The following COL19A1 variants were observed in gnomAD, a reference collection of about 807,000 sequenced individuals.
COL19A1 encodes collagen type XIX alpha 1 chain.
In COL19A1, 159 loss-of-function variants were observed where a neutral mutation model predicts 190.2. The ratio of observed to expected loss-of-function variants is 0.84; its 90% CI spans 0.73 to 0.95. The LOEUF is 0.95. Ranked by LOEUF, COL19A1 falls within the 40% of genes least tolerant of loss-of-function variation. COL19A1 has a pLI of 0.00. For synonymous variants in COL19A1, 509 were observed against 458.9 expected (o/e 1.11, Z -1.39); for missense variants, 1,418 against 1,431.9 (o/e 0.99, Z 0.16).
chr6:70,027,944 A>G (rs1435051258), intron 12 of COL19A1, among the ~76,000 whole-genome samples: 3 of 152,132 alleles, frequency 2.0e-5, no homozygotes, highest in Admixed American at 1.3e-4. Flanking sequence ...TAAATTACTT[A>G]GCCTCTCTGT....
At chr6:69,889,899 G>A (rs1432340456) in intron 2 of COL19A1, 2 of 152,138 alleles carry the variant, frequency 1.3e-5, no homozygotes, top group African/African-American at 4.8e-5. Flanking sequence ...TGGAAGCTTT[G>A]TTCTTTTACT....
intron 26 of COL19A1, 24 bp downstream of exon 26, chr6:70,146,727 T>A (rs1321729608): frequency 6.2e-7 from 1 of 1,600,582 alleles, no homozygotes; most frequent in Non-Finnish European, 8.5e-7. Context: ...ATAGTTAATT[T>A]TTAAGGAATG....
At chr6:69,912,238 CA>C (rs2149988082) in intron 4 of COL19A1, among the ~76,000 whole-genome samples, 1 of 152,222 alleles carries the variant, frequency 6.6e-6, no homozygotes, top group Non-Finnish European at 1.5e-5. Context: ...GGTCCAATAC[CA>C]CTTTTTCCAT....
intron 9 of COL19A1, among the ~76,000 whole-genome samples, chr6:69,956,303 A>T (rs929560590): frequency 1.3e-5 from 2 of 152,054 alleles, no homozygotes; most frequent in African/African-American, 4.8e-5. Context: ...TAATGTGATT[A>T]AAATATCCCT....
intron 11 of COL19A1, among the ~76,000 whole-genome samples, chr6:69,983,565 A>T (rs1776161878): frequency 6.6e-6 from 1 of 152,158 alleles, no homozygotes; most frequent in Non-Finnish European, 1.5e-5. Context: ...AGGGGAAAGA[A>T]TTCAATATTT....
rs573775600 is a variant in COL19A1 at position 69,934,979 on chromosome 6, T to G, written c.748-1806T>G. On this transcript the variant is annotated intron_variant, in intron 7 of 50. Coordinates refer to ENST00000620364, the MANE Select transcript of COL19A1 (RefSeq NM_001858.6). Reference sequence around the variant, plus strand: ...AAATATCTAATTTTGTCCTGGAATTTCAAATCACACATGTTTTCTGGTTGT... The same window carrying G: ...AAATATCTAATTTTGTCCTGGAATTGCAAATCACACATGTTTTCTGGTTGT... Among the ~76,000 whole-genome samples, 9 of 152,132 alleles carry G rather than the reference T, an allele frequency of 5.9e-5. No homozygotes were observed. The South Asian group carries it at 1.4e-3, about 25-fold the overall frequency.
chr6:70,160,743 A>T (rs1787744294), intron 34 of COL19A1, among the ~76,000 whole-genome samples: 1 of 152,142 alleles, frequency 6.6e-6, no homozygotes, highest in Non-Finnish European at 1.5e-5. Context: ...TCTAACACTA[A>T]AGTTTCTGAT....
intron 4 of COL19A1, among the ~76,000 whole-genome samples, chr6:69,917,673 G>A (rs1203666989): frequency 6.6e-6 from 1 of 152,164 alleles, no homozygotes; most frequent in Admixed American, 6.6e-5. Context: ...CCGTTCAAGG[G>A]AAGTGATATT....
intron 34 of COL19A1, among the ~76,000 whole-genome samples, chr6:70,157,955 T>C (rs1178900181): frequency 6.6e-6 from 1 of 152,154 alleles, no homozygotes; most frequent in East Asian, 1.9e-4. Flanking sequence ...TTTTCTCTCT[T>C]GGTGAACTGA....
At chr6:69,976,545 G>T (rs1318203654) in intron 11 of COL19A1, among the ~76,000 whole-genome samples, 1 of 152,140 alleles carries the variant, frequency 6.6e-6, no homozygotes, top group South Asian at 2.1e-4. Context: ...GAAGGAAGAG[G>T]AGTGAGTACA....
chr6:69,956,489 GA>G (rs959161691), intron 9 of COL19A1, among the ~76,000 whole-genome samples: 19 of 151,716 alleles, frequency 1.3e-4, no homozygotes, highest in Non-Finnish European at 2.2e-4. Flanking sequence ...TTGGATATCT[GA>G]AAAAAATTTA....
At chr6:69,879,828 C>A in intron 2 of COL19A1, 170 bp downstream of exon 2, 1 of 620,068 alleles carries the variant, frequency 1.6e-6, no homozygotes, top group Middle Eastern at 3.5e-4. Flanking sequence ...ATTAGGAATT[C>A]CTAAAATTAC....
chr6:70,164,049 A>G (rs189516744), intron 36 of COL19A1, among the ~76,000 whole-genome samples: 189 of 152,294 alleles, frequency 1.2e-3, no homozygotes, highest in Middle Eastern at 3.4e-3. Flanking sequence ...TCCAGACAGC[A>G]GACTGGCTCT....
intron 15 of COL19A1, among the ~76,000 whole-genome samples, chr6:70,069,079 A>G (rs1041025193): frequency 2.0e-5 from 3 of 152,066 alleles, no homozygotes; most frequent in African/African-American, 7.2e-5. Flanking sequence ...CTTGTGTTTT[A>G]CTGTTATTAT....
At chr6:70,116,528 A>G (rs1784588881) in intron 16 of COL19A1, among the ~76,000 whole-genome samples, 1 of 152,236 alleles carries the variant, frequency 6.6e-6, no homozygotes, top group Admixed American at 6.5e-5. Flanking sequence ...TAAGTTATGT[A>G]TAATGTGTTA....
intron 18 of COL19A1, among the ~76,000 whole-genome samples, chr6:70,131,831 C>T (rs372929708): frequency 8.9e-4 from 136 of 152,272 alleles, no homozygotes; most frequent in East Asian, 2.9e-3. Flanking sequence ...GTTACTTAGA[C>T]ATTCTTAAGA....
chr6:70,074,659 T>C (rs1235492235), intron 15 of COL19A1, among the ~76,000 whole-genome samples: 1 of 152,156 alleles, frequency 6.6e-6, no homozygotes, highest in Non-Finnish European at 1.5e-5. Context: ...CAGTTGCACA[T>C]CCTTACACAG....
intron 18 of COL19A1, among the ~76,000 whole-genome samples, chr6:70,135,015 C>T (rs1488526802): frequency 6.6e-6 from 1 of 152,164 alleles, no homozygotes; most frequent in African/African-American, 2.4e-5. Context: ...AATCGGGGTC[C>T]TTATGACCCC....
chr6:70,074,951 A>T (rs551812464), intron 15 of COL19A1, among the ~76,000 whole-genome samples: 1 of 152,344 alleles, frequency 6.6e-6, no homozygotes, highest in East Asian at 1.9e-4. Flanking sequence ...TAGGTAGAAA[A>T]AAAGCATCTT....
Sources: allele counts gnomAD v4.1 joint callset (sites outside exome capture counted in the v4.1 genomes callset), GRCh38; gene constraint gnomAD v4.1.1; transcripts MANE v1.5; gene names NCBI Gene and HGNC (gene_info 2026-07-23, HGNC 2026-07-21).